The following XRCC1 variants were observed in gnomAD, a reference collection of about 807,000 sequenced individuals.
XRCC1 encodes X-ray repair cross complementing 1, also known as DNA repair protein XRCC1.
XRCC1 carries 52 observed loss-of-function variants against 83.3 expected under a neutral mutation model. The ratio of observed to expected loss-of-function variants is 0.62; its 90% CI spans 0.50 to 0.79. The LOEUF (loss-of-function observed/expected upper bound fraction) is 0.79. Ranked by LOEUF, XRCC1 falls within the 30% of genes least tolerant of loss-of-function variation. The pLI, the probability that XRCC1 is intolerant of heterozygous loss-of-function variation, is 0.00. For missense variants in XRCC1, 793 were observed against 823.5 expected, an observed-to-expected ratio of 0.96 and a Z score of 0.45; for synonymous variants, 281 against 312.6, an observed-to-expected ratio of 0.90 and a Z score of 1.07.
chr19:43,551,829 T>C, intron 9 of XRCC1, 142 bp from the exon 10 acceptor site: 1 of 1,002,360 alleles, frequency 1.0e-6, no homozygotes, highest in Non-Finnish European at 1.5e-6. Flanking sequence ...CAAAAAGAGG[T>C]TGGAGACCAA....
At chr19:43,574,718 C>G in intron 2 of XRCC1, 192 bp downstream of exon 2, 1 of 587,924 alleles carries the variant, frequency 1.7e-6, no homozygotes, top group East Asian at 2.9e-5. Flanking sequence ...CTGTGGTCAT[C>G]CTGGACTTAA....
chr19:43,558,629 C>CAAATAAATAAATAAAT (rs200897711), intron 3 of XRCC1, among the ~76,000 whole-genome samples: 26 of 150,130 alleles, frequency 1.7e-4, no homozygotes. Context: ...ACCCCCATCT[C>CAAATAAATAAATAAAT]AAATAAATAA....
At position 43,561,253 on chromosome 19, in the gene XRCC1, T is replaced by C. The variant is rs1246116592; in HGVS notation, c.145-233A>G. 3.3e-5 allele frequency among the ~76,000 whole-genome samples: 5 copies of C among 152,174 alleles called. No individual in the cohort carries two copies. In the South Asian group the frequency reaches 6.2e-4, roughly 19 times the overall value. On this transcript the variant is annotated intron_variant, in intron 2 of 16. Coordinates refer to ENST00000262887, the MANE Select transcript of XRCC1 (RefSeq NM_006297.3). ...AATGCATACGCGCCCACCTCACACATACCTGCTTCCCTGACCTCTCCAGAC... is the reference window on the plus strand; with the variant it reads ...AATGCATACGCGCCCACCTCACACACACCTGCTTCCCTGACCTCTCCAGAC...
At chr19:43,546,180 C>A in intron 12 of XRCC1, 74 bp from the exon 13 acceptor site, 1 of 1,550,798 alleles carries the variant, frequency 6.4e-7, no homozygotes, top group Non-Finnish European at 8.9e-7. Flanking sequence ...CAGTATGGCA[C>A]AGACCCAGGC....
At chr19:43,572,762 G>A (rs933205655) in intron 2 of XRCC1, among the ~76,000 whole-genome samples, 5 of 152,080 alleles carry the variant, frequency 3.3e-5, no homozygotes, top group African/African-American at 7.2e-5. Context: ...GGGAAGTGGA[G>A]GCCATTAGTT....
chr19:43,547,041 C>T (rs890944780), intron 10 of XRCC1, 64 bp from the exon 11 acceptor site: 2 of 1,498,126 alleles, frequency 1.3e-6, no homozygotes, highest in Non-Finnish European at 1.8e-6. Flanking sequence ...GTTCAGGAGG[C>T]AACAGCCATT....
intron 15 of XRCC1, 57 bp downstream of exon 15, chr19:43,544,087 C>T: frequency 6.7e-7 from 1 of 1,496,178 alleles, no homozygotes; most frequent in Non-Finnish European, 9.1e-7. Flanking sequence ...CCAGCAGGTC[C>T]CTGAGCGTTC....
chr19:43,554,572 G>A (rs983195256), intron 4 of XRCC1, 74 bp downstream of exon 4: 1 of 1,513,138 alleles, frequency 6.6e-7, no homozygotes, highest in Non-Finnish European at 8.9e-7. Context: ...AGCCCTATGG[G>A]ACTCAATATT....
chr19:43,543,573 G>A, intron 16 of XRCC1, 39 bp downstream of exon 16: 1 of 1,613,552 alleles, frequency 6.2e-7, no homozygotes, highest in Non-Finnish European at 8.5e-7. Context: ...ATGCAAAGGT[G>A]TGCCCGGGTC....
rs751463087 is a variant in XRCC1 at position 43,554,656 on chromosome 19, G to A, written c.404C>T (p.Pro135Leu). 8 of 1,612,248 alleles carry A rather than the reference G, an allele frequency of 5.0e-6. No individual in the cohort carries two copies. In the East Asian group the frequency reaches 8.9e-5, roughly 18 times the overall value. ...TCCCACCCTAGGTACCTTGCTGTAG[G>A]GCTGGCTGCAAACAATTTTGACCCG... is the stretch of plus-strand genomic sequence containing the variant. ...WDRVKIVCSQPYSKDSPFGLS... is the reference protein window; with the variant it reads ...WDRVKIVCSQLYSKDSPFGLS... Residue 135 changes from proline (P) to leucine (L), a missense_variant, in exon 4 of 17, where the codon CCC becomes CTC. Coordinates refer to ENST00000262887, the MANE Select transcript of XRCC1 (RefSeq NM_006297.3).
chr19:43,556,920 G>C (rs1259565049), intron 3 of XRCC1, among the ~76,000 whole-genome samples: 1 of 151,752 alleles, frequency 6.6e-6, no homozygotes, highest in Non-Finnish European at 1.5e-5. Context: ...CACAAGAATC[G>C]CTTGAACCCA....
chr19:43,556,712 C>T (rs1335475284), intron 3 of XRCC1, among the ~76,000 whole-genome samples: 1 of 151,164 alleles, frequency 6.6e-6, no homozygotes, highest in Non-Finnish European at 1.5e-5. Context: ...GGCTGAGGCA[C>T]GAGAATTGCT....
chr19:43,569,902 T>C (rs1015174508), intron 2 of XRCC1, among the ~76,000 whole-genome samples: 1 of 152,234 alleles, frequency 6.6e-6, no homozygotes, highest in Non-Finnish European at 1.5e-5. Flanking sequence ...CCATTTTATA[T>C]GCAATTCAAA....
chr19:43,557,643 A>T (rs1259648214), intron 3 of XRCC1, among the ~76,000 whole-genome samples: 1 of 151,956 alleles, frequency 6.6e-6, no homozygotes, highest in Non-Finnish European at 1.5e-5. Flanking sequence ...ATACAAAAAA[A>T]ATAGCCATGC....
At chr19:43,547,349 C>T (rs1203226863) in intron 10 of XRCC1, among the ~76,000 whole-genome samples, 1 of 151,868 alleles carries the variant, frequency 6.6e-6, no homozygotes, top group Non-Finnish European at 1.5e-5. Context: ...CCATGCCCCG[C>T]CAACTTTTTG....
chr19:43,568,357 C>A (rs760751515), intron 2 of XRCC1, among the ~76,000 whole-genome samples: 2 of 151,872 alleles, frequency 1.3e-5, no homozygotes, highest in Non-Finnish European at 2.9e-5. Context: ...ATTAGCCAAG[C>A]CTGGTGGCAT....
intron 9 of XRCC1, 91 bp from the exon 10 acceptor site, chr19:43,551,778 GAC>G: frequency 2.4e-5 from 25 of 1,025,850 alleles, no homozygotes; most frequent in Non-Finnish European, 2.8e-5. Context: ...GAGAGAGAGA[GAC>G]AGACAGACAG....
At chr19:43,562,477 C>T (rs1972710268) in intron 2 of XRCC1, among the ~76,000 whole-genome samples, 1 of 152,146 alleles carries the variant, frequency 6.6e-6, no homozygotes, top group African/African-American at 2.4e-5. Flanking sequence ...GGCGCAGTGG[C>T]TCACGTCTCT....
chr19:43,553,030 A>T lies in XRCC1; in HGVS notation c.663T>A (p.Ala221=). Reference sequence around the variant, plus strand: ...TGGAGACTGGAGAGGCTGAGGAGGCAGCACTAGAAGCCTGGAGGGTAGCAG... The same window carrying T: ...TGGAGACTGGAGAGGCTGAGGAGGCTGCACTAGAAGCCTGGAGGGTAGCAG... ...YAAATLQASS[A]ASSASPVSRA... is the part of the protein sequence containing the mutation. Residue 221 remains alanine (A), a synonymous_variant, in exon 7 of 17, where the codon GCT becomes GCA. Transcript: ENST00000262887. 6.2e-7 allele frequency: 1 copy of T among 1,600,238 alleles called. No individual in the cohort carries two copies. The highest frequency in any genetic ancestry group is 1.3e-5 in the African/African-American group (1 of 74,946).
Sources: gnomAD v4.1 joint callset for allele counts (sites outside exome capture counted in the v4.1 genomes callset) on GRCh38, gnomAD v4.1.1 for gene constraint, MANE v1.5 for transcripts, NCBI Gene and HGNC (gene_info 2026-07-23, HGNC 2026-07-21) for gene names.